Variants in GALK1 observed in about 807,000 individuals in gnomAD.
GALK1 encodes galactokinase.
GALK1 carries 30 observed loss-of-function variants against 38.6 expected under a neutral mutation model. That is an observed-to-expected ratio of 0.78 (90% CI 0.58 to 1.05). The LOEUF (loss-of-function observed/expected upper bound fraction) is 1.05. Among genes scored for constraint, GALK1 ranks in the 50% least tolerant of loss-of-function variants. The probability of loss-of-function intolerance (pLI) is 0.00; values close to 1 mark genes in which losing one functional copy is unlikely to be tolerated. For missense variants in GALK1, 512 were observed against 540.5 expected (o/e 0.95, Z 0.52); for synonymous variants, 240 against 233.6 (o/e 1.03, Z -0.25).
Position 75,752,555 on chromosome 17 carries a change from G to A in GALK1, c.*23-818C>T, listed in dbSNP as rs753588810. On this transcript the variant is annotated intron_variant, in intron 8 of 8. Transcript: ENST00000225614. ...TACGCTCTCCATCGGGCAGCCAGAGGCCCAGCGTCTCCGATGACACTGGTG... is the reference window on the plus strand; with the variant it reads ...TACGCTCTCCATCGGGCAGCCAGAGACCCAGCGTCTCCGATGACACTGGTG... The A allele has an allele frequency of 3.7e-6, 6 of 1,613,596 alleles. 1 individual carries two copies. In the South Asian group the frequency reaches 5.5e-5, roughly 15 times the overall value.
downstream of GALK1, chr17:75,756,773 C>T (rs370378040): frequency 7.4e-6 from 12 of 1,612,864 alleles, no homozygotes; most frequent in East Asian, 1.6e-4. Flanking sequence ...AGCCCAGACT[C>T]GCTGCAGCTG....
downstream of GALK1, chr17:75,755,032 ACT>A (rs1380834252): frequency 2.5e-6 from 4 of 1,586,406 alleles, no homozygotes; most frequent in Non-Finnish European, 3.4e-6. Context: ...TGCTCCTCTC[ACT>A]CTTGTTTTGT....
At chr17:75,752,111 AG>A (rs1387044335) in intron 8 of GALK1, 1 of 1,544,198 alleles carries the variant, frequency 6.5e-7, no homozygotes, top group Non-Finnish European at 9.0e-7. Context: ...CTGCTGTGTC[AG>A]GGGTGGTGTT....
At chr17:75,754,075 T>G, downstream of GALK1, 1 of 502,682 alleles carries the variant, frequency 2.0e-6, no homozygotes, top group Non-Finnish European at 3.2e-6. Context: ...GGCCCCAGTT[T>G]CAGCCAGGCC....
downstream of GALK1, chr17:75,755,995 A>AC: frequency 9.9e-7 from 1 of 1,013,096 alleles, no homozygotes; most frequent in Non-Finnish European, 1.5e-6. Context: ...AGGGTCTCCC[A>AC]CCCCATTCTC....
At chr17:75,759,104 G>A (rs888276099) in intron 5 of GALK1, among the ~76,000 whole-genome samples, 10 of 152,134 alleles carry the variant, frequency 6.6e-5, no homozygotes, top group African/African-American at 2.2e-4. Flanking sequence ...GTGGCATGGC[G>A]GGATGGAGGG....
chr17:75,755,002 A>T, downstream of GALK1: 1 of 1,563,730 alleles, frequency 6.4e-7, no homozygotes, highest in Non-Finnish European at 8.7e-7. Context: ...GCACACGTAC[A>T]CACATGCATG....
downstream of GALK1, chr17:75,757,275 C>T (rs757967752): frequency 3.7e-6 from 6 of 1,610,948 alleles, no homozygotes; most frequent in Non-Finnish European, 4.2e-6. Context: ...AGCATCACCA[C>T]CACCCACACC....
At chr17:75,757,776 C>G (rs2061555662), downstream of GALK1, 1 of 692,692 alleles carries the variant, frequency 1.4e-6, no homozygotes, top group East Asian at 2.7e-5. Flanking sequence ...GCACAAGGAC[C>G]CAGCCTTTGT....
downstream of GALK1, chr17:75,754,877 G>C: frequency 6.2e-7 from 1 of 1,609,520 alleles, no homozygotes; most frequent in Non-Finnish European, 8.5e-7. Context: ...AGCTCCTGGA[G>C]CCTCGGGCTT....
At chr17:75,754,950 ACACG>A (rs2061456678), downstream of GALK1, 22 of 1,376,852 alleles carry the variant, frequency 1.6e-5, no homozygotes, top group Non-Finnish European at 7.0e-6. Flanking sequence ...ATGCACGCAC[ACACG>A]TGCACACGCA....
chr17:75,758,034 C>T lies in GALK1; in HGVS notation c.*22G>A, dbSNP rs1056675284. On this transcript the variant is annotated 3_prime_UTR_variant, in exon 8 of 8. Transcript: ENST00000588479. The stretch of plus-strand genomic sequence containing the variant: ...TGGCCTGCAGGCCCCGCACCCTCAC[C>T]GTGTGCTGTCCTGGGGGTGCCTCAC... The T allele has an allele frequency of 1.9e-5, 30 of 1,611,902 alleles. No individual in the cohort carries two copies. Among genetic ancestry groups the T allele is most frequent in the East Asian group, 4.5e-5 (2 of 44,870 alleles).
chr17:75,762,610 T>A (rs1599335062), intron 5 of GALK1, 94 bp downstream of exon 5: 1 of 1,356,442 alleles, frequency 7.4e-7, no homozygotes, highest in East Asian at 2.3e-5. Flanking sequence ...CAGAAGGCCC[T>A]GGAGATCGGG....
downstream of GALK1, chr17:75,755,593 T>C: frequency 1.4e-6 from 2 of 1,407,560 alleles, no homozygotes; most frequent in South Asian, 1.2e-5. Context: ...CAGCCAGCGG[T>C]CAGTGTAGAC....
rs2061594603 is a variant in GALK1 at position 75,763,060 on chromosome 17, T to C, written c.565A>G (p.Ile189Val). The C allele has an allele frequency of 6.2e-7, 1 of 1,612,976 alleles. No individual in the cohort carries two copies. Among genetic ancestry groups the C allele is most frequent in the Non-Finnish European group, 8.5e-7 (1 of 1,179,990 alleles). ...GMPCGIMDQF[I>V]SLMGQKGHAL... is the part of the protein sequence containing the mutation. Reference sequence around the variant, plus strand: ...TGGCCTTTCTGTCCCATAAGTGAGATGAACTGGTCCATGATGCCACAGGGC... The same window carrying C: ...TGGCCTTTCTGTCCCATAAGTGAGACGAACTGGTCCATGATGCCACAGGGC... Residue 189 changes from isoleucine to valine, a missense_variant, in exon 4 of 8, where the codon ATC becomes GTC. Transcript: ENST00000588479.
intron 1 of GALK1, 163 bp downstream of exon 1, chr17:75,764,809 A>C: frequency 1.3e-6 from 1 of 750,558 alleles, no homozygotes; most frequent in Non-Finnish European, 2.2e-6. Context: ...AACGTGGGGA[A>C]CAGCCTGTCC....
chr17:75,764,927 G>A (rs1395264463), intron 1 of GALK1, 45 bp downstream of exon 1: 4 of 1,584,036 alleles, frequency 2.5e-6, no homozygotes, highest in East Asian at 2.3e-5. Flanking sequence ...CTCGGCGGCC[G>A]GGACAGGCGG....
chr17:75,755,810 G>T, downstream of GALK1: 1 of 1,608,998 alleles, frequency 6.2e-7, no homozygotes. Flanking sequence ...GCGAGCGGCC[G>T]CTGCAGGGCT....
chr17:75,756,891 G>C (rs1599324440), downstream of GALK1: 4 of 1,612,270 alleles, frequency 2.5e-6, no homozygotes, highest in East Asian at 4.5e-5. Flanking sequence ...GGAGTGGCCA[G>C]GGGAGGGGTA....
Sources: allele counts gnomAD v4.1 joint callset (sites outside exome capture counted in the v4.1 genomes callset), GRCh38; gene constraint gnomAD v4.1.1; transcripts MANE v1.5; gene names NCBI Gene and HGNC (gene_info 2026-07-23, HGNC 2026-07-21).